Variants in TTC21B observed in about 807,000 individuals in gnomAD.
TTC21B encodes tetratricopeptide repeat protein 21B.
Under a neutral mutation model 175.1 loss-of-function variants are expected in TTC21B, and 127 were observed. That is an observed-to-expected ratio of 0.73 (90% CI 0.63 to 0.84). The LOEUF (loss-of-function observed/expected upper bound fraction) is 0.84. Among genes scored for constraint, TTC21B ranks in the 40% least tolerant of loss-of-function variants. The pLI is 0.00. For missense variants in TTC21B, 1,561 were observed against 1,558.3 expected (o/e 1.00, Z -0.03); for synonymous variants, 524 against 524.5 (o/e 1.00, Z 0.01).
rs753932170 is a variant in TTC21B, at chr2:165,876,236, T to C, written c.3806-4A>G. On this transcript the variant is annotated splice_region_variant and splice_polypyrimidine_tract_variant and intron_variant, in intron 27 of 28. Coordinates refer to ENST00000243344, the MANE Select transcript of TTC21B (RefSeq NM_024753.5). ...TAATTAAATGCCAGTTTGTATCCTG[T>C]TAAGACAAAAACCATAAAACAGAAT... 6.4e-7 allele frequency: 1 copy of C among 1,572,024 alleles called. No individual in the cohort carries two copies. The highest frequency in any genetic ancestry group is 8.8e-7 in the Non-Finnish European group (1 of 1,142,716).
At chr2:165,929,093 C>G in intron 11 of TTC21B, 42 bp downstream of exon 11, 1 of 1,576,396 alleles carries the variant, frequency 6.3e-7, no homozygotes, top group African/African-American at 1.3e-5. Flanking sequence ...CATAAAACAT[C>G]AAGTAAACGC....
intron 18 of TTC21B, among the ~76,000 whole-genome samples, chr2:165,908,709 T>G (rs917126543): frequency 6.6e-6 from 1 of 152,154 alleles, no homozygotes. Flanking sequence ...CATCTAAGTA[T>G]GTCATGGGTA....
chr2:165,933,538 C>T (rs1355352596), intron 6 of TTC21B, among the ~76,000 whole-genome samples: 1 of 151,952 alleles, frequency 6.6e-6, no homozygotes, highest in Non-Finnish European at 1.5e-5. Flanking sequence ...AAAAGAAAAA[C>T]ATAACAGGCA....
chr2:165,877,350 C>A (rs1264347688), intron 27 of TTC21B, among the ~76,000 whole-genome samples: 1 of 152,154 alleles, frequency 6.6e-6, no homozygotes, highest in East Asian at 1.9e-4. Flanking sequence ...ATCTAAAATT[C>A]ACACTATTTT....
chr2:165,900,657 TAC>T (rs1685528543), intron 20 of TTC21B, among the ~76,000 whole-genome samples: 1 of 152,136 alleles, frequency 6.6e-6, no homozygotes, highest in African/African-American at 2.4e-5. Context: ...CCAATTGAAA[TAC>T]AGAGTGTACA....
At chr2:165,892,549 A>G (rs1685232287) in intron 22 of TTC21B, among the ~76,000 whole-genome samples, 1 of 152,222 alleles carries the variant, frequency 6.6e-6, no homozygotes, top group Non-Finnish European at 1.5e-5. Context: ...ATAAAAAAAG[A>G]AAATTTTGAC....
chr2:165,945,627 TTC>T lies in TTC21B; in HGVS notation c.324_325del (p.Lys109SerfsTer16). ...AAATAAGCCTGCATGGTATAAGGCT[TTC>T]TCTCCAGCTCCTTTACGTTGTTCCT... is the stretch of plus-strand genomic sequence containing the variant. On this transcript the variant is annotated frameshift_variant, in exon 4 of 29. Coordinates refer to ENST00000243344, the MANE Select transcript of TTC21B (RefSeq NM_024753.5). LOFTEE classifies it high-confidence loss of function. The T allele has an allele frequency of 6.2e-7, 1 of 1,613,848 alleles. No homozygotes were observed.
intron 5 of TTC21B, 28 bp from the exon 6 acceptor site, chr2:165,941,212 C>T (rs1348087562): frequency 6.2e-7 from 1 of 1,612,850 alleles, no homozygotes; most frequent in Non-Finnish European, 8.5e-7. Context: ...AAGTGATATC[C>T]AAACTGTGAT....
chr2:165,881,277 G>A (rs1454248788), intron 26 of TTC21B, among the ~76,000 whole-genome samples: 1 of 152,086 alleles, frequency 6.6e-6, no homozygotes, highest in Non-Finnish European at 1.5e-5. Flanking sequence ...AGAAAAAGAC[G>A]TTATTTAAAC....
At chr2:165,936,157 C>G (rs1378998260) in intron 6 of TTC21B, among the ~76,000 whole-genome samples, 1 of 151,936 alleles carries the variant, frequency 6.6e-6, no homozygotes, top group Non-Finnish European at 1.5e-5. Context: ...AGAAATAGAC[C>G]CACATAGATA....
chr2:165,885,708 G>C (rs1317777839), intron 25 of TTC21B, among the ~76,000 whole-genome samples: 1 of 152,182 alleles, frequency 6.6e-6, no homozygotes. Context: ...CTTACACTTT[G>C]AGTTTGATTA....
At chr2:165,900,018 A>C (rs1440428439) in intron 20 of TTC21B, 138 bp from the exon 21 acceptor site, 14 of 669,018 alleles carry the variant, frequency 2.1e-5, no homozygotes, top group Admixed American at 9.9e-5. Flanking sequence ...CAAAAAAAAA[A>C]AAAAAACAAC....
intron 12 of TTC21B, among the ~76,000 whole-genome samples, chr2:165,921,734 A>T (rs2105332420): frequency 6.6e-6 from 1 of 151,116 alleles, no homozygotes; most frequent in East Asian, 1.9e-4. Context: ...TAGCAAAAAC[A>T]CTACTACTTA....
intron 16 of TTC21B, among the ~76,000 whole-genome samples, chr2:165,912,898 T>C (rs1686006855): frequency 6.6e-6 from 1 of 152,224 alleles, no homozygotes; most frequent in Non-Finnish European, 1.5e-5. Flanking sequence ...ATCTTGACTT[T>C]TCATTTCCAG....
At chr2:165,945,407 T>C (rs1224122395) in intron 4 of TTC21B, 117 bp downstream of exon 4, 1 of 944,022 alleles carries the variant, frequency 1.1e-6, no homozygotes, top group African/African-American at 1.6e-5. Context: ...AAGCTGTTAT[T>C]TACAAACTGG....
intron 4 of TTC21B, among the ~76,000 whole-genome samples, chr2:165,944,474 A>G (rs1278316202): frequency 6.6e-6 from 1 of 152,178 alleles, no homozygotes; most frequent in African/African-American, 2.4e-5. Flanking sequence ...CTCACTGTAC[A>G]ATATTTTAGT....
rs755157207 is a variant in TTC21B, at chr2:165,912,604, T to C, written c.2232A>G (p.Ala744=). 5 of 1,614,008 alleles carry C rather than the reference T, an allele frequency of 3.1e-6. No individual in the cohort carries two copies. Among genetic ancestry groups the C allele is most frequent in the Non-Finnish European group, 4.2e-6 (5 of 1,179,990 alleles). Residue 744 remains alanine (A), a synonymous_variant, in exon 17 of 29, where the codon GCA becomes GCG. Transcript: ENST00000243344. ...NILEPEEAIV[A]YEQALNQNPK... ...GGTTCTGATTTAATGCTTGCTCATA[T>C]GCTACTATGGCTTCTTCAGGCTAAT...
intron 11 of TTC21B, among the ~76,000 whole-genome samples, chr2:165,926,870 C>T (rs961176193): frequency 7.3e-5 from 11 of 151,138 alleles, no homozygotes; most frequent in Non-Finnish European, 1.0e-4. Context: ...AGCTTTGGGA[C>T]TCGGACTGGC....
intron 11 of TTC21B, among the ~76,000 whole-genome samples, chr2:165,926,506 G>T (rs1343720667): frequency 6.6e-6 from 1 of 152,078 alleles, no homozygotes; most frequent in Non-Finnish European, 1.5e-5. Flanking sequence ...GTCTCCTCGT[G>T]TCCCTTTGGG....
Sources: gnomAD v4.1 joint callset for allele counts (sites outside exome capture counted in the v4.1 genomes callset) on GRCh38, gnomAD v4.1.1 for gene constraint, MANE v1.5 for transcripts, NCBI Gene and HGNC (gene_info 2026-07-23, HGNC 2026-07-21) for gene names.